The following KLHL29 variants were observed in gnomAD, a reference collection of about 807,000 sequenced individuals.
The protein encoded by KLHL29 is kelch-like protein 29.
A neutral mutation model predicts 80.4 loss-of-function variants in KLHL29; 21 were observed. The observed-to-expected ratio is 0.26, with a 90% CI of 0.19 to 0.38. KLHL29 has a LOEUF of 0.38. Ranked by LOEUF, KLHL29 falls within the 10% of genes least tolerant of loss-of-function variation. The pLI is 1.00. For synonymous variants in KLHL29, 511 were observed against 526.8 expected, an observed-to-expected ratio of 0.97 and a Z score of 0.41; for missense variants, 867 against 1,223.9, an observed-to-expected ratio of 0.71 and a Z score of 4.35.
rs1419135350 is a variant in KLHL29 at position 23,684,004 on chromosome 2, A to G, written c.941-395A>G. ...CCATGCTTGACTTGGTCTCCAATACATCGGCACCCATTGGCATTTGGAGAA... is the reference window on the plus strand; with the variant it reads ...CCATGCTTGACTTGGTCTCCAATACGTCGGCACCCATTGGCATTTGGAGAA... On this transcript the variant is annotated intron_variant, in intron 5 of 13. Transcript: ENST00000486442. This position sits in a 1 kb window ranked among gnomAD's most constrained non-coding sequence, Gnocchi z 4.4. Among the ~76,000 whole-genome samples the G allele has an allele frequency of 3.3e-5, 5 of 152,092 alleles. No homozygotes were observed. Among genetic ancestry groups the G allele is most frequent in the Non-Finnish European group, 5.9e-5 (4 of 68,024 alleles).
chr2:23,399,390 T>G (rs912372042), intron 1 of KLHL29, among the ~76,000 whole-genome samples: 9 of 152,376 alleles, frequency 5.9e-5, no homozygotes, highest in Admixed American at 1.3e-4. Flanking sequence ...GTAAATGTTA[T>G]GGCATGTATG....
rs149080311 is a variant in KLHL29, at chr2:23,541,765, C to CAAAAAAAAAAAAAAAAAAA, written c.-45-20381_-45-20380insAAAAAAAAAAAAAAAAAAA. On this transcript the variant is annotated intron_variant, in intron 2 of 13. Coordinates refer to ENST00000486442, the MANE Select transcript of KLHL29 (RefSeq NM_052920.2). ...AAAGAGCTTTTAAAAAAGCCCAACCCAAAAAACAAAAAAAAAAAAACCATA... is the reference window on the plus strand; with the variant it reads ...AAAGAGCTTTTAAAAAAGCCCAACCCAAAAAAAAAAAAAAAAAAAAAAAAACAAAAAAAAAAAAACCATA... Among the ~76,000 whole-genome samples, 73 of 139,878 alleles carry CAAAAAAAAAAAAAAAAAAA rather than the reference C, an allele frequency of 5.2e-4. 2 individuals carry two copies. Among genetic ancestry groups the CAAAAAAAAAAAAAAAAAAA allele is most frequent in the African/African-American group, 2.0e-3 (70 of 34,224 alleles). The allele number at this position is 139,878 out of a possible 152,430, so 91.8% of individuals were successfully genotyped here.
rs958127294 is a variant in KLHL29, at chr2:23,680,740, G to A, written c.941-3659G>A. On this transcript the variant is annotated intron_variant, in intron 5 of 13. Coordinates refer to ENST00000486442, the MANE Select transcript of KLHL29 (RefSeq NM_052920.2). This position sits in a 1 kb window ranked among gnomAD's most constrained non-coding sequence, Gnocchi z 4.1. Reference sequence around the variant, plus strand: ...TGGGGTCTCTAGGCCATCTTCCCCTGGGGTCTCTAGGCCATCTTCTCCTGG... The same window carrying A: ...TGGGGTCTCTAGGCCATCTTCCCCTAGGGTCTCTAGGCCATCTTCTCCTGG... Among the ~76,000 whole-genome samples the A allele has an allele frequency of 3.4e-5, 5 of 147,202 alleles. No homozygotes were observed. The highest frequency in any genetic ancestry group is 1.3e-4 in the Admixed American group (2 of 14,870).
At chr2:23,631,391 A>G (rs548317215) in intron 3 of KLHL29, among the ~76,000 whole-genome samples, 47 of 152,372 alleles carry the variant, frequency 3.1e-4, no homozygotes, top group Non-Finnish European at 3.4e-4. Context: ...TTTAGCAGCA[A>G]GTTGATAGAG....
At chr2:23,662,762 A>G (rs540790958) in intron 5 of KLHL29, among the ~76,000 whole-genome samples, 3 of 152,198 alleles carry the variant, frequency 2.0e-5, no homozygotes, top group African/African-American at 4.8e-5. Context: ...CAGACTGTCT[A>G]TGGTGCTCCT....
chr2:23,586,333 C>G (rs927744152), intron 3 of KLHL29, among the ~76,000 whole-genome samples: 1 of 151,706 alleles, frequency 6.6e-6, no homozygotes, highest in African/African-American at 2.4e-5. Flanking sequence ...GAGCAGCCTC[C>G]CCCCCATTCC....
intron 2 of KLHL29, among the ~76,000 whole-genome samples, chr2:23,546,150 G>A (rs1290090374): frequency 1.3e-5 from 2 of 152,212 alleles, no homozygotes; most frequent in Non-Finnish European, 2.9e-5. Context: ...TCCTTAGGGT[G>A]CCCACTCCCT....
chr2:23,400,103 C>T (rs1383388053), intron 1 of KLHL29, among the ~76,000 whole-genome samples: 1 of 152,166 alleles, frequency 6.6e-6, no homozygotes, highest in Non-Finnish European at 1.5e-5. Flanking sequence ...TTTGGTGACT[C>T]AGCACTAGGG....
At chr2:23,445,274 AGT>A (rs1491117002) in intron 1 of KLHL29, among the ~76,000 whole-genome samples, 2 of 152,128 alleles carry the variant, frequency 1.3e-5, no homozygotes, top group Non-Finnish European at 2.9e-5. Flanking sequence ...CCATTTTGCT[AGT>A]TTTTTTTCTT....
chr2:23,395,857 T>C (rs1666440755), intron 1 of KLHL29, among the ~76,000 whole-genome samples: 1 of 152,200 alleles, frequency 6.6e-6, no homozygotes, highest in Admixed American at 6.5e-5. Flanking sequence ...TTGCATGGTC[T>C]TGGACTCTCA....
intron 2 of KLHL29, among the ~76,000 whole-genome samples, chr2:23,554,768 A>C (rs1030588472): frequency 1.3e-5 from 2 of 152,152 alleles, no homozygotes; most frequent in Admixed American, 1.3e-4. Flanking sequence ...ATGCAAACAC[A>C]CAGAGGCTCA....
rs190647594 is a variant in KLHL29, at chr2:23,425,308, A to G, written c.-154+39528A>G. Among the ~76,000 whole-genome samples the G allele has an allele frequency of 1.2e-3, 188 of 152,320 alleles. 1 individual carries two copies. Among genetic ancestry groups the G allele is most frequent in the African/African-American group, 4.1e-3 (172 of 41,574 alleles). ...AAAACAGAATTGGAAATGCTGATCT[A>G]GAGACACAAAGCCCAGGGATTTCAG... On this transcript the variant is annotated intron_variant, in intron 1 of 13. Transcript: ENST00000486442.
At chr2:23,453,108 TAAA>T (rs11450727) in intron 1 of KLHL29, among the ~76,000 whole-genome samples, 5 of 144,266 alleles carry the variant, frequency 3.5e-5, no homozygotes, top group African/African-American at 1.3e-4. Flanking sequence ...TATGTTTCAT[TAAA>T]AAAAAAAAAA....
intron 3 of KLHL29, among the ~76,000 whole-genome samples, chr2:23,637,050 G>A (rs1207533329): frequency 6.6e-6 from 1 of 152,156 alleles, no homozygotes; most frequent in Non-Finnish European, 1.5e-5. Context: ...CCACACGGTG[G>A]AGAGGGGCTG....
Position 23,596,753 on chromosome 2 carries a change from C to T in KLHL29, c.285+34272C>T, listed in dbSNP as rs563663686. 2.6e-5 allele frequency among the ~76,000 whole-genome samples: 4 copies of T among 152,336 alleles called. No homozygotes were observed. Among genetic ancestry groups the T allele is most frequent in the East Asian group, 1.9e-4 (1 of 5,190 alleles). ...GGGCAGAGCCATCTCTTACACACAA[C>T]GGCGAAATTATTTTCTTCATCTCAG... On this transcript the variant is annotated intron_variant, in intron 3 of 13. Transcript: ENST00000486442. The surrounding 1 kb of genome is among the most constrained non-coding windows in gnomAD (Gnocchi z 4.4).
intron 2 of KLHL29, among the ~76,000 whole-genome samples, chr2:23,555,369 G>A (rs922216532): frequency 6.6e-6 from 1 of 152,218 alleles, no homozygotes; most frequent in African/African-American, 2.4e-5. Context: ...GTCAGGGGCT[G>A]AGGCTACTTT....
chr2:23,510,376 C>A (rs550034691), intron 2 of KLHL29, among the ~76,000 whole-genome samples: 6 of 152,286 alleles, frequency 3.9e-5, no homozygotes, highest in African/African-American at 1.4e-4. Context: ...GGACACCCTC[C>A]CTTAGCTCAG....
intron 1 of KLHL29, among the ~76,000 whole-genome samples, chr2:23,461,989 T>TTTTA (rs1553326615): frequency 6.6e-6 from 1 of 150,450 alleles, no homozygotes; most frequent in Non-Finnish European, 1.5e-5. Context: ...TTTTTTTTTT[T>TTTTA]AATGACAAAA....
At chr2:23,411,274 G>A (rs988909946) in intron 1 of KLHL29, among the ~76,000 whole-genome samples, 35 of 152,172 alleles carry the variant, frequency 2.3e-4, no homozygotes, top group African/African-American at 8.4e-4. Flanking sequence ...GGACAGGGTA[G>A]TGAGAACATT....
Sources: gnomAD v4.1 joint callset for allele counts (sites outside exome capture counted in the v4.1 genomes callset) on GRCh38, gnomAD v4.1.1 for gene constraint, Gnocchi (gnomAD v3.1) non-coding constraint, MANE v1.5 for transcripts, NCBI Gene and HGNC (gene_info 2026-07-23, HGNC 2026-07-21) for gene names.